The following SPTBN1 variants were observed in gnomAD, a reference collection of about 807,000 sequenced individuals.
The protein encoded by SPTBN1 is spectrin beta chain, non-erythrocytic 1.
A neutral mutation model predicts 266.4 loss-of-function variants in SPTBN1; 32 were observed. The ratio of observed to expected loss-of-function variants is 0.12; its 90% CI spans 0.09 to 0.16. The LOEUF (loss-of-function observed/expected upper bound fraction) is 0.16. Ranked by LOEUF, SPTBN1 falls within the 10% of genes least tolerant of loss-of-function variation. The pLI is 1.00. For synonymous variants in SPTBN1, 1,336 were observed against 1,162.2 expected (o/e 1.15, Z -3.04); for missense variants, 2,296 against 3,067.1 (o/e 0.75, Z 5.94).
chr2:54,564,844 CTT>C (rs1351386305), intron 2 of SPTBN1, among the ~76,000 whole-genome samples: 1 of 152,174 alleles, frequency 6.6e-6, no homozygotes, highest in Non-Finnish European at 1.5e-5. Flanking sequence ...CAGTTCCAGT[CTT>C]TGTCTTTTTG....
intron 1 of SPTBN1, among the ~76,000 whole-genome samples, chr2:54,494,831 A>C (rs1668877837): frequency 6.6e-6 from 1 of 152,134 alleles, no homozygotes; most frequent in South Asian, 2.1e-4. Flanking sequence ...TGATGGTTTC[A>C]CAGGTATATA....
rs1681581622 is a variant in SPTBN1 at position 54,669,178 on chromosome 2, A to G, written c.*609A>G. 1 of 152,492 alleles carries G rather than the reference A, an allele frequency of 6.6e-6. No individual in the cohort carries two copies. Among genetic ancestry groups the G allele is most frequent in the Non-Finnish European group, 1.5e-5 (1 of 68,234 alleles). The allele number at this position is 152,492 out of a possible 1,614,324, so 9.4% of individuals were successfully genotyped here. On this transcript the variant is annotated 3_prime_UTR_variant, in exon 36 of 36. Transcript: ENST00000356805. The stretch of plus-strand genomic sequence containing the variant: ...TCTGCATCAACTGCTATGACGGTTA[A>G]GAATGTCAGTATACAAGAAGGAATA...
intron 2 of SPTBN1, among the ~76,000 whole-genome samples, chr2:54,595,667 G>A (rs1676029542): frequency 6.6e-6 from 1 of 152,216 alleles, no homozygotes. Context: ...CTGACCTGCA[G>A]GTCATCAAAG....
chr2:54,611,277 T>C (rs1303939402), intron 3 of SPTBN1, among the ~76,000 whole-genome samples: 1 of 152,192 alleles, frequency 6.6e-6, no homozygotes, highest in Non-Finnish European at 1.5e-5. Context: ...TAAAAAGTTT[T>C]CCAGTTTATT....
rs1197756779 is a variant in SPTBN1 at position 54,664,713 on chromosome 2, A to G, written c.6659+22A>G. ...GCAGGTAACAGCAGCAGAGGCTGCC[A>G]CAGTAAGATGGGAAGTCAGCCTGTG... On this transcript the variant is annotated intron_variant, in intron 33 of 35. Transcript: ENST00000356805. The surrounding 1 kb of genome is among the most constrained non-coding windows in gnomAD (Gnocchi z 5.6). The G allele has an allele frequency of 6.2e-7, 1 of 1,609,232 alleles. No individual in the cohort carries two copies. The highest frequency in any genetic ancestry group is 1.3e-5 in the African/African-American group (1 of 74,790).
intron 1 of SPTBN1, among the ~76,000 whole-genome samples, chr2:54,459,181 T>A (rs1388210221): frequency 6.6e-6 from 1 of 152,240 alleles, no homozygotes; most frequent in East Asian, 1.9e-4. Context: ...TTTGTAACTC[T>A]GTCATTACTG....
In SPTBN1 at chr2:54,618,209, A is replaced by G; in HGVS notation, c.763+16A>G. The G allele has an allele frequency of 6.2e-7, 1 of 1,606,006 alleles. No individual in the cohort carries two copies. The highest frequency in any genetic ancestry group is 8.5e-7 in the Non-Finnish European group (1 of 1,173,030). On this transcript the variant is annotated intron_variant, in intron 7 of 35. Transcript: ENST00000356805. ...GACCCCGAAGGTAGGGACTCAAGGG[A>G]TTACAGGTGGGATTTTTAGCATCTG...
chr2:54,546,175 A>G (rs1672226377), intron 2 of SPTBN1, among the ~76,000 whole-genome samples: 1 of 152,144 alleles, frequency 6.6e-6, no homozygotes, highest in Non-Finnish European at 1.5e-5. Flanking sequence ...TAGGCCAACT[A>G]CAAGGACAAT....
chr2:54,538,970 C>G (rs1337681180), intron 2 of SPTBN1, among the ~76,000 whole-genome samples: 1 of 152,182 alleles, frequency 6.6e-6, no homozygotes, highest in Non-Finnish European at 1.5e-5. Flanking sequence ...TGCCTCCACT[C>G]TGAGCTCCAG....
At chr2:54,562,696 T>TTATGTG (rs1673390523) in intron 2 of SPTBN1, among the ~76,000 whole-genome samples, 1 of 122,598 alleles carries the variant, frequency 8.2e-6, no homozygotes, top group South Asian at 2.8e-4. Flanking sequence ...AAACCCTGCT[T>TTATGTG]TGTGTGTGTG....
In SPTBN1 at chr2:54,645,785, T is replaced by G. The variant is rs1036754590; in HGVS notation, c.4495-143T>G. The G allele has an allele frequency of 7.3e-6, 6 of 826,054 alleles. No individual in the cohort carries two copies. In the East Asian group the frequency reaches 1.6e-4, roughly 22 times the overall value. The allele number at this position is 826,054 out of a possible 1,614,324, so 51.2% of individuals were successfully genotyped here. A position where few individuals can be genotyped will look rare whatever the true frequency, so the allele number is the denominator to read the frequency against. On this transcript the variant is annotated intron_variant, in intron 21 of 35. Transcript: ENST00000356805. The surrounding 1 kb of genome is among the most constrained non-coding windows in gnomAD (Gnocchi z 4.3). Reference sequence around the variant, plus strand: ...AGCCCTGTCTCGGAGAACAAGGGCGTGCTTCCCCAGACAGCCCTCCCGAGG... The same window carrying G: ...AGCCCTGTCTCGGAGAACAAGGGCGGGCTTCCCCAGACAGCCCTCCCGAGG...
chr2:54,593,098 A>G (rs1447035056), intron 2 of SPTBN1, among the ~76,000 whole-genome samples: 2 of 152,234 alleles, frequency 1.3e-5, no homozygotes, highest in Non-Finnish European at 2.9e-5. Flanking sequence ...TCTGGGAATC[A>G]GAATCTGATG....
At chr2:54,482,081 T>C (rs1668129833) in intron 1 of SPTBN1, among the ~76,000 whole-genome samples, 1 of 152,166 alleles carries the variant, frequency 6.6e-6, no homozygotes, top group East Asian at 1.9e-4. Context: ...TTTGGCCTCA[T>C]TATTTACATG....
intron 1 of SPTBN1, among the ~76,000 whole-genome samples, chr2:54,478,716 G>C (rs756306449): frequency 2.0e-5 from 3 of 152,030 alleles, no homozygotes; most frequent in Non-Finnish European, 4.4e-5. Context: ...GAACCACTTG[G>C]GATGCATTTT....
At chr2:54,538,051 T>G (rs1215391006) in intron 2 of SPTBN1, among the ~76,000 whole-genome samples, 1 of 152,224 alleles carries the variant, frequency 6.6e-6, no homozygotes, top group Non-Finnish European at 1.5e-5. Context: ...CATTTTCAGA[T>G]AGACTGATGT....
chr2:54,667,569 T>G (rs1307273424), intron 34 of SPTBN1, 35 bp from the exon 35 acceptor site: 2 of 1,606,032 alleles, frequency 1.2e-6, no homozygotes, highest in South Asian at 2.2e-5. Context: ...TCTCTGTAAT[T>G]AAGTGGTGAC....
intron 17 of SPTBN1, among the ~76,000 whole-genome samples, chr2:54,633,709 G>A (rs148698817): frequency 4.6e-5 from 7 of 152,144 alleles, no homozygotes; most frequent in Non-Finnish European, 8.8e-5. Context: ...CTCTCTTCTG[G>A]CCTTCAAGTG....
rs72077761 is a variant in SPTBN1 at position 54,481,391 on chromosome 2, A to AGTGTGT, written c.-48+24918_-48+24923dup. Among the ~76,000 whole-genome samples, 320 of 117,384 alleles carry AGTGTGT rather than the reference A, an allele frequency of 2.7e-3. 2 individuals carry two copies. Among genetic ancestry groups the AGTGTGT allele is most frequent in the East Asian group, 0.017 (66 of 3,862 alleles). 77.0% of individuals were successfully genotyped at this position (117,384 alleles called of 152,430 possible). ...GAAGATTAGAGGCTGCAGAAACCTG[A>AGTGTGT]GTGTGTGTGTGTGTGTGTGTGTGTG... On this transcript the variant is annotated intron_variant, in intron 1 of 35. Transcript: ENST00000356805.
At chr2:54,495,162 G>A (rs1668897558) in intron 1 of SPTBN1, among the ~76,000 whole-genome samples, 1 of 95,116 alleles carries the variant, frequency 1.1e-5, no homozygotes, top group African/African-American at 2.7e-5. Context: ...GAGAATCATA[G>A]GAGGTTGCAG....
Sources: gnomAD v4.1 joint callset for allele counts (sites outside exome capture counted in the v4.1 genomes callset) on GRCh38, gnomAD v4.1.1 for gene constraint, Gnocchi (gnomAD v3.1) non-coding constraint, MANE v1.5 for transcripts, NCBI Gene and HGNC (gene_info 2026-07-23, HGNC 2026-07-21) for gene names.